DOP1B: variants seen among roughly 807,000 people sequenced by gnomAD.
The protein encoded by DOP1B is DOP1 leucine zipper like protein B, also known as protein DOP1B.
A neutral mutation model predicts 233.5 loss-of-function variants in DOP1B; 174 were observed. That is an observed-to-expected ratio of 0.75 (90% CI 0.66 to 0.85). DOP1B has a LOEUF of 0.85. Ranked by LOEUF, DOP1B falls within the 40% of genes least tolerant of loss-of-function variation. The probability of loss-of-function intolerance (pLI) is 0.00; values close to 1 mark genes in which losing one functional copy is unlikely to be tolerated. For synonymous variants in DOP1B, 1,190 were observed against 1,185.6 expected (o/e 1.00, Z -0.08); for missense variants, 2,652 against 2,846.6 (o/e 0.93, Z 1.56).
chr21:36,254,602 A>T (rs924030793), intron 23 of DOP1B, among the ~76,000 whole-genome samples: 1 of 152,146 alleles, frequency 6.6e-6, no homozygotes, highest in Non-Finnish European at 1.5e-5. Context: ...TTTCAAAGGG[A>T]TGGCTCCCAG....
chr21:36,277,905 G>A lies in DOP1B; in HGVS notation c.5713-70G>A, dbSNP rs556471631. 7 of 1,264,774 alleles carry A rather than the reference G, an allele frequency of 5.5e-6. No individual in the cohort carries two copies. The African/African-American group carries it at 8.8e-5, about 16-fold the overall frequency. 78.3% of individuals were successfully genotyped at this position (1,264,774 alleles called of 1,614,324 possible). A position where few individuals can be genotyped will look rare whatever the true frequency, so the allele number is the denominator to read the frequency against. ...GATCCGCCCTCCTCAGCCTCCCGAAGTGCTGGGATTACAGGTGTGAGCCGT... is the reference window on the plus strand; with the variant it reads ...GATCCGCCCTCCTCAGCCTCCCGAAATGCTGGGATTACAGGTGTGAGCCGT... On this transcript the variant is annotated intron_variant, in intron 28 of 36. Coordinates refer to ENST00000691173, the MANE Select transcript of DOP1B (RefSeq NM_001320714.2).
At chr21:36,202,526 G>C (rs1377863579) in intron 4 of DOP1B, among the ~76,000 whole-genome samples, 1 of 152,186 alleles carries the variant, frequency 6.6e-6, no homozygotes, top group East Asian at 1.9e-4. Context: ...AGGTCCATTT[G>C]CACGGCTCCC....
chr21:36,208,260 G>A (rs1029301388), intron 4 of DOP1B, among the ~76,000 whole-genome samples: 10 of 152,194 alleles, frequency 6.6e-5, no homozygotes, highest in African/African-American at 2.2e-4. Context: ...CAAGTTGGTG[G>A]CATCTAATTG....
At chr21:36,181,908 G>A (rs764996855) in intron 2 of DOP1B, among the ~76,000 whole-genome samples, 21 of 152,166 alleles carry the variant, frequency 1.4e-4, no homozygotes, top group Non-Finnish European at 2.5e-4. Context: ...TGTCATAAAG[G>A]ATCAGTTTAT....
chr21:36,227,313 C>A (rs1220965400), intron 12 of DOP1B, among the ~76,000 whole-genome samples: 5 of 151,800 alleles, frequency 3.3e-5, no homozygotes, highest in Admixed American at 6.6e-5. Context: ...TTTGGGAGGC[C>A]AAGGTGGATG....
At chr21:36,267,640 T>TTTC (rs2067244706) in intron 26 of DOP1B, among the ~76,000 whole-genome samples, 1 of 151,350 alleles carries the variant, frequency 6.6e-6, no homozygotes, top group South Asian at 2.1e-4. Context: ...TTTTTTTTTT[T>TTTC]TTTGAGATGG....
intron 24 of DOP1B, among the ~76,000 whole-genome samples, chr21:36,263,025 G>A (rs992905929): frequency 1.3e-5 from 2 of 151,828 alleles, no homozygotes; most frequent in South Asian, 2.1e-4. Context: ...ACCTGAGGTC[G>A]GGAGTTCGAG....
In DOP1B at chr21:36,194,485, C is replaced by CTTTT. The variant is rs1432687395; in HGVS notation, c.139-4584_139-4583insTTTT. ...GCTTTTGCTGCATTTCTCTCTCTCT[C>CTTTT]TCTTTTTTTTTTTTTTTTTGAGACA... On this transcript the variant is annotated intron_variant, in intron 2 of 36. Transcript: ENST00000691173. Among the ~76,000 whole-genome samples, 117 of 124,558 alleles carry CTTTT rather than the reference C, an allele frequency of 9.4e-4. 2 individuals carry two copies. The highest frequency in any genetic ancestry group is 5.1e-3 in the East Asian group (21 of 4,092). The allele number at this position is 124,558 out of a possible 152,430, so 81.7% of individuals were successfully genotyped here. A position where few individuals can be genotyped will look rare whatever the true frequency, so the allele number is the denominator to read the frequency against.
At chr21:36,260,597 A>G in intron 23 of DOP1B, 80 bp from the exon 24 acceptor site, 1 of 1,588,462 alleles carries the variant, frequency 6.3e-7, no homozygotes, top group Non-Finnish European at 8.6e-7. Context: ...TAGGCTATAG[A>G]TCTGTTTCAT....
At chr21:36,261,027 G>GA (rs562594510) in intron 24 of DOP1B, 15 of 1,123,902 alleles carry the variant, frequency 1.3e-5, no homozygotes, top group South Asian at 3.5e-5. Flanking sequence ...TACAGAAAAA[G>GA]AAAAAAACCA....
chr21:36,192,693 C>CTT (rs372913689), intron 2 of DOP1B, among the ~76,000 whole-genome samples: 14 of 141,462 alleles, frequency 9.9e-5, no homozygotes, highest in Admixed American at 1.4e-4. Context: ...CACTTTCATT[C>CTT]TTTTTTTTTT....
In DOP1B at chr21:36,245,123, G is replaced by C; in HGVS notation, c.3143G>C (p.Ser1048Thr). The C allele has an allele frequency of 6.2e-7, 1 of 1,613,754 alleles. No individual in the cohort carries two copies. The highest frequency in any genetic ancestry group is 1.1e-5 in the South Asian group (1 of 91,088). ...EACAVPEPQE[S>T]GSEEHLPLSQ... ...TGCGCAGTGCCCGAGCCTCAGGAGA[G>C]CGGCTCTGAAGAGCACCTGCCTCTG... The change falls in exon 19 of 37, where the codon AGC (serine) becomes ACC (threonine). Residue 1048 changes from serine (S) to threonine (T), a missense_variant. Coordinates refer to ENST00000691173, the MANE Select transcript of DOP1B (RefSeq NM_001320714.2). The surrounding 1 kb of genome is among the most constrained non-coding windows in gnomAD (Gnocchi z 5.5).
chr21:36,169,206 C>T, intron 2 of DOP1B: 1 of 1,036,266 alleles, frequency 9.7e-7, no homozygotes, highest in Non-Finnish European at 1.5e-6. Flanking sequence ...TTATTGGTCA[C>T]TTCACCATAG....
chr21:36,212,441 C>T (rs1477153063), intron 7 of DOP1B, among the ~76,000 whole-genome samples: 5 of 152,056 alleles, frequency 3.3e-5, no homozygotes, highest in Non-Finnish European at 5.9e-5. Context: ...GAGGGTGTAT[C>T]GTGGAGAAAA....
chr21:36,273,409 C>CAA lies in DOP1B; in HGVS notation c.5632+3263_5632+3264dup, dbSNP rs146353684. On this transcript the variant is annotated intron_variant, in intron 27 of 36. Transcript: ENST00000691173. Reference sequence around the variant, plus strand: ...GCAACAGAGGGTGCAAACTCCATCTCAAAAAAAAAAAAGTTTTTTTAATGA... The same window carrying CAA: ...GCAACAGAGGGTGCAAACTCCATCTCAAAAAAAAAAAAAAGTTTTTTTAATGA... Among the ~76,000 whole-genome samples, 11 of 141,604 alleles carry CAA rather than the reference C, an allele frequency of 7.8e-5. No individual in the cohort carries two copies. In the East Asian group the frequency reaches 1.2e-3, roughly 16 times the overall value. 92.9% of individuals were successfully genotyped at this position (141,604 alleles called of 152,430 possible).
At chr21:36,232,671 G>C in intron 14 of DOP1B, 133 bp from the exon 15 acceptor site, 1 of 1,212,002 alleles carries the variant, frequency 8.3e-7, no homozygotes, top group Non-Finnish European at 1.2e-6. Flanking sequence ...ACCAGCGGGA[G>C]GTTAGCGCAC....
At chr21:36,278,429 TC>T in intron 30 of DOP1B, 74 bp downstream of exon 30, 1 of 1,493,222 alleles carries the variant, frequency 6.7e-7, no homozygotes, top group Non-Finnish European at 9.0e-7. Flanking sequence ...TACAGAATTC[TC>T]ATTCCTGAAA....
chr21:36,258,624 T>C (rs190207518), intron 23 of DOP1B, among the ~76,000 whole-genome samples: 439 of 152,318 alleles, frequency 2.9e-3, no homozygotes, highest in Non-Finnish European at 4.5e-3. Flanking sequence ...GGCCTGGCCG[T>C]TGGGCGTCAC....
chr21:36,235,968 G>T (rs1667326220), intron 15 of DOP1B, among the ~76,000 whole-genome samples: 1 of 152,062 alleles, frequency 6.6e-6, no homozygotes, highest in South Asian at 2.1e-4. Flanking sequence ...CAAAATAATG[G>T]TTAGGAGTTT....
Sources: allele counts gnomAD v4.1 joint callset (sites outside exome capture counted in the v4.1 genomes callset), GRCh38; gene constraint gnomAD v4.1.1; non-coding constraint Gnocchi (gnomAD v3.1); transcripts MANE v1.5; gene names NCBI Gene and HGNC (gene_info 2026-07-23, HGNC 2026-07-21).